TSFM: variants seen among roughly 807,000 people sequenced by gnomAD.
TSFM encodes the protein elongation factor Ts, mitochondrial.
TSFM carries 29 observed loss-of-function variants against 33.4 expected under a neutral mutation model. The observed-to-expected ratio is 0.87, with a 90% CI of 0.65 to 1.18. The LOEUF (loss-of-function observed/expected upper bound fraction) is 1.18, where lower values mean the gene tolerates loss of function less well. Among genes scored for constraint, TSFM ranks in the 50% most tolerant of loss-of-function variants. TSFM has a pLI of 0.00. For synonymous variants in TSFM, 178 were observed against 163.5 expected (o/e 1.09, Z -0.68); for missense variants, 394 against 395.6 (o/e 1.00, Z 0.04).
At chr12:57,789,342 G>C (rs780498105) in intron 4 of TSFM, among the ~76,000 whole-genome samples, 1 of 152,000 alleles carries the variant, frequency 6.6e-6, no homozygotes, top group African/African-American at 2.4e-5. Flanking sequence ...CATGTATCTC[G>C]TAAAAACAAG....
downstream of TSFM, chr12:57,797,624 G>T: frequency 1.1e-6 from 1 of 908,424 alleles, no homozygotes; most frequent in Non-Finnish European, 1.3e-6. Context: ...CCAGATTTAT[G>T]CAGTTTTAGT....
At position 57,795,636 on chromosome 12, in the gene TSFM, T is replaced by C. The variant is rs118126474; in HGVS notation, c.572-541T>C. On this transcript the variant is annotated intron_variant, in intron 5 of 5. Coordinates refer to ENST00000652027, the MANE Select transcript of TSFM (RefSeq NM_005726.6). ...TTGTTGTTTTTTTTGTTTTTTTTGT[T>C]TTTGGAGAGAGTCTTGTTCCCAGGA... is the stretch of plus-strand genomic sequence containing the variant. Among the ~76,000 whole-genome samples the C allele has an allele frequency of 6.7e-4, 102 of 152,112 alleles. 1 individual carries two copies. In the East Asian group the frequency reaches 0.019, roughly 28 times the overall value.
intron 2 of TSFM, among the ~76,000 whole-genome samples, chr12:57,785,491 G>A (rs909571379): frequency 6.6e-6 from 1 of 151,446 alleles, no homozygotes; most frequent in African/African-American, 2.4e-5. Context: ...TTTTTGAGAC[G>A]GAGTCTCACT....
At position 57,796,593 on chromosome 12, in the gene TSFM, A is replaced by C; in HGVS notation, c.*10A>C. The C allele has an allele frequency of 7.3e-7, 1 of 1,378,924 alleles. No homozygotes were observed. Among genetic ancestry groups the C allele is most frequent in the Non-Finnish European group, 9.5e-7 (1 of 1,058,182 alleles). 85.4% of individuals were successfully genotyped at this position (1,378,924 alleles called of 1,614,324 possible). ...AGCAGAAACTGAATAGGTTCCAGAG[A>C]CTTTTGGCCCAGGAGGAATATTTAC... On this transcript the variant is annotated 3_prime_UTR_variant, in exon 6 of 6. Transcript: ENST00000652027.
In TSFM at chr12:57,796,286, C is replaced by G. The variant is rs1274657998; in HGVS notation, c.681C>G (p.His227Gln). The G allele has an allele frequency of 1.2e-6, 2 of 1,612,474 alleles. No homozygotes were observed. Among genetic ancestry groups the G allele is most frequent in the Non-Finnish European group, 1.7e-6 (2 of 1,179,284 alleles). Residue 227 changes from histidine to glutamine, a missense_variant, in exon 6 of 6, where the codon CAC (histidine) becomes CAG (glutamine). His to Gln is a conservative substitution (Grantham distance 24). Coordinates refer to ENST00000652027, the MANE Select transcript of TSFM (RefSeq NM_005726.6). ...GAGCAATGCAGAGTCCCTCACTTCACAAGCTGGTGCTGGGGAAGTATGGGG... is the reference window on the plus strand; with the variant it reads ...GAGCAATGCAGAGTCCCTCACTTCAGAAGCTGGTGCTGGGGAAGTATGGGG... ...VHGAMQSPSL[H>Q]KLVLGKYGAL...
rs542515682 is a variant in TSFM at position 57,789,411 on chromosome 12, C to T, written c.483+2249C>T. ...ATTTAGGATTTTTTTTTCTTTGAGA[C>T]GGAGTGCAGTGTTGTGATCTCAGCT... is the stretch of plus-strand genomic sequence containing the variant. On this transcript the variant is annotated intron_variant, in intron 4 of 5. Coordinates refer to ENST00000652027, the MANE Select transcript of TSFM (RefSeq NM_005726.6). 9.2e-5 allele frequency among the ~76,000 whole-genome samples: 14 copies of T among 152,074 alleles called. No individual in the cohort carries two copies. The South Asian group carries it at 1.0e-3, about 11-fold the overall frequency.
intron 2 of TSFM, chr12:57,784,232 G>C (rs1955558365): frequency 1.5e-6 from 1 of 670,992 alleles, no homozygotes; most frequent in African/African-American, 1.8e-5. Context: ...GATAAAAAAC[G>C]ATACATCTCC....
chr12:57,790,560 C>A (rs1161965008), intron 4 of TSFM, among the ~76,000 whole-genome samples: 1 of 152,154 alleles, frequency 6.6e-6, no homozygotes, highest in Admixed American at 6.5e-5. Flanking sequence ...CTACCCCTGA[C>A]CACTGCAAAT....
downstream of TSFM, chr12:57,801,344 T>G (rs1331902546): frequency 4.4e-6 from 3 of 687,114 alleles, no homozygotes; most frequent in Admixed American, 2.9e-5. Flanking sequence ...TAAGTAAAAA[T>G]GAAAATCCCC....
chr12:57,794,189 C>T (rs1328734103), intron 5 of TSFM, among the ~76,000 whole-genome samples: 1 of 152,218 alleles, frequency 6.6e-6, no homozygotes, highest in Non-Finnish European at 1.5e-5. Context: ...TCTGGAAGAG[C>T]TGGGTGTTTC....
At chr12:57,788,384 A>G (rs1032254799) in intron 4 of TSFM, among the ~76,000 whole-genome samples, 1 of 151,814 alleles carries the variant, frequency 6.6e-6, no homozygotes, top group Non-Finnish European at 1.5e-5. Flanking sequence ...GGTTCAAGCA[A>G]TTCTGCATCA....
At chr12:57,801,229 GAA>G (rs750567285), downstream of TSFM, 2 of 1,607,626 alleles carry the variant, frequency 1.2e-6, no homozygotes, top group Admixed American at 3.3e-5. Context: ...AGAAGAGAGA[GAA>G]AACACAGGAT....
chr12:57,799,861 A>C, downstream of TSFM: 1 of 1,614,152 alleles, frequency 6.2e-7, no homozygotes, highest in African/African-American at 1.3e-5. Context: ...GAACTGCTAT[A>C]GGGTAATATT....
In TSFM at chr12:57,782,832, C is replaced by T. The variant is rs1595133458; in HGVS notation, c.31C>T (p.Leu11=). Residue 11 remains leucine (L), a synonymous_variant, in exon 1 of 6, where the codon CTG becomes TTG. Transcript: ENST00000652027. Reference sequence around the variant, plus strand: ...GCTGCTGCGGTCGCTGCGCGTGTTTCTGGTCGCGCGGACCGGGAGCTACCC... The same window carrying T: ...GCTGCTGCGGTCGCTGCGCGTGTTTTTGGTCGCGCGGACCGGGAGCTACCC... MSLLRSLRVF[L]VARTGSYPAG... 1.9e-6 allele frequency: 3 copies of T among 1,596,294 alleles called. No homozygotes were observed. Among genetic ancestry groups the T allele is most frequent in the Non-Finnish European group, 2.6e-6 (3 of 1,172,228 alleles).
chr12:57,798,743 A>G (rs993861994), downstream of TSFM, among the ~76,000 whole-genome samples: 1 of 151,670 alleles, frequency 6.6e-6, no homozygotes, highest in East Asian at 1.9e-4. Context: ...CAGCCTCCCA[A>G]GTAGCTGGGA....
At chr12:57,800,088 G>T, downstream of TSFM, 1 of 902,720 alleles carries the variant, frequency 1.1e-6, no homozygotes, top group Non-Finnish European at 1.6e-6. Context: ...GAATCATCTG[G>T]GAATAGAAAA....
chr12:57,800,124 G>T, downstream of TSFM: 1 of 647,486 alleles, frequency 1.5e-6, no homozygotes, highest in Non-Finnish European at 2.5e-6. Context: ...GTTGTTCTTG[G>T]GAAAGCTGAT....
chr12:57,790,060 CTTTTTTTTTT>C (rs35382401), intron 4 of TSFM, among the ~76,000 whole-genome samples: 5 of 105,440 alleles, frequency 4.7e-5, no homozygotes, highest in Non-Finnish European at 7.3e-5. Context: ...TTCTTTCTTT[CTTTTTTTTTT>C]TTTTTTTTTT....
downstream of TSFM, chr12:57,802,291 T>C: frequency 6.2e-7 from 1 of 1,614,118 alleles, no homozygotes. Flanking sequence ...TGCTGTGCTG[T>C]GGCAAGGGCA....
Sources: allele counts gnomAD v4.1 joint callset (sites outside exome capture counted in the v4.1 genomes callset), GRCh38; gene constraint gnomAD v4.1.1; transcripts MANE v1.5; gene names NCBI Gene and HGNC (gene_info 2026-07-23, HGNC 2026-07-21).